APELA: variants seen among roughly 807,000 people sequenced by gnomAD.
APELA encodes the protein apelin receptor early endogenous ligand.
intron 2 of APELA, among the ~76,000 whole-genome samples, chr4:164,879,788 T>G (rs1004259454): frequency 6.6e-6 from 1 of 152,212 alleles, no homozygotes; most frequent in African/African-American, 2.4e-5. Context: ...ATTTATTTTT[T>G]CTGAAAATAT....
chr4:164,896,785 T>C lies in APELA; in HGVS notation c.*1371T>C, dbSNP rs1730982507. ...CAGATAAGAAATTTACAAGTTTATA[T>C]CTTTTTTTTTCTTTTTTTTAAGATG... On this transcript the variant is annotated 3_prime_UTR_variant, in exon 3 of 3. Coordinates refer to ENST00000507152, the MANE Select transcript of APELA (RefSeq NM_001297550.2). The C allele has an allele frequency of 6.8e-6, 1 of 146,886 alleles. No homozygotes were observed. The highest frequency in any genetic ancestry group is 1.9e-4 in the East Asian group (1 of 5,186). 9.1% of individuals were successfully genotyped at this position (146,886 alleles called of 1,614,324 possible). A position where few individuals can be genotyped will look rare whatever the true frequency, so the allele number is the denominator to read the frequency against.
At position 164,877,361 on chromosome 4, in the gene APELA, T is replaced by G. The variant is rs1354968211; in HGVS notation, c.30T>G (p.Phe10Leu). MRFQQFLFAFFIFIMSLLLI... is the reference protein window; with the variant it reads MRFQQFLFALFIFIMSLLLI... ...GATTTCAGCAATTCCTTTTTGCATT[T>G]TTTATTTTTATTATGAGTCTTCTCC... Residue 10 changes from phenylalanine (F) to leucine (L), a missense_variant, in exon 1 of 3, where the codon TTT (phenylalanine) becomes TTG (leucine). Phe to Leu is a conservative substitution (Grantham distance 22, BLOSUM62 0). Transcript: ENST00000507152. 2 of 399,066 alleles carry G rather than the reference T, an allele frequency of 5.0e-6. No homozygotes were observed. The highest frequency in any genetic ancestry group is 8.8e-6 in the Non-Finnish European group (2 of 226,052). The allele number at this position is 399,066 out of a possible 1,614,324, so 24.7% of individuals were successfully genotyped here.
intron 2 of APELA, among the ~76,000 whole-genome samples, chr4:164,885,231 A>G (rs1730746855): frequency 6.6e-6 from 1 of 152,096 alleles, no homozygotes; most frequent in Non-Finnish European, 1.5e-5. Context: ...TTTGGGCTCA[A>G]GCAATTCTCC....
rs142999515 is a variant in APELA at position 164,894,876 on chromosome 4, T to A, written c.*2-540T>A. 3.4e-3 allele frequency among the ~76,000 whole-genome samples: 512 copies of A among 152,332 alleles called. 3 individuals are homozygous for A. The highest frequency in any genetic ancestry group is 0.011 in the African/African-American group (474 of 41,580). On this transcript the variant is annotated intron_variant, in intron 2 of 2. Transcript: ENST00000507152. ...GGCAATCCGAGTTGAGAGAAATGAT[T>A]CCAGAAGAGGTATCTCTATATTTGT...
At chr4:164,880,180 G>C in intron 2 of APELA, among the ~76,000 whole-genome samples, 1 of 152,218 alleles carries the variant, frequency 6.6e-6, no homozygotes, top group South Asian at 2.1e-4. Flanking sequence ...TTGGCCTGTA[G>C]AGTAGCTTTT....
In APELA at chr4:164,896,796, C is replaced by CA. The variant is rs1730983450; in HGVS notation, c.*1382_*1383insA. 1.3e-5 allele frequency: 2 copies of CA among 149,018 alleles called. No homozygotes were observed. The allele number at this position is 149,018 out of a possible 1,614,324, so 9.2% of individuals were successfully genotyped here. On this transcript the variant is annotated 3_prime_UTR_variant, in exon 3 of 3. Coordinates refer to ENST00000507152, the MANE Select transcript of APELA (RefSeq NM_001297550.2). Reference sequence around the variant, plus strand: ...TTTACAAGTTTATATCTTTTTTTTTCTTTTTTTTAAGATGAGATCTGGCTC... The same window carrying CA: ...TTTACAAGTTTATATCTTTTTTTTTCATTTTTTTTAAGATGAGATCTGGCTC...
At chr4:164,890,334 A>T (rs1021252670) in intron 2 of APELA, among the ~76,000 whole-genome samples, 1 of 152,146 alleles carries the variant, frequency 6.6e-6, no homozygotes, top group Non-Finnish European at 1.5e-5. Context: ...AACCATCACC[A>T]TGATCAATTT....
intron 2 of APELA, among the ~76,000 whole-genome samples, chr4:164,884,873 T>C (rs1220187355): frequency 6.6e-6 from 1 of 152,192 alleles, no homozygotes; most frequent in Non-Finnish European, 1.5e-5. Flanking sequence ...TTTCTCAGTA[T>C]CATTCATCCT....
rs577722529 is a variant in APELA, at chr4:164,877,371, A to G, written c.40A>G (p.Ile14Val). ...ATTCCTTTTTGCATTTTTTATTTTT[A>G]TTATGAGTCTTCTCCTTATCAGCGG... is the stretch of plus-strand genomic sequence containing the variant. ...QQFLFAFFIFIMSLLLISGQR... is the reference protein window; with the variant it reads ...QQFLFAFFIFVMSLLLISGQR... The change falls in exon 1 of 3, where the codon ATT becomes GTT. Residue 14 changes from isoleucine (I) to valine (V), a missense_variant. Coordinates refer to ENST00000507152, the MANE Select transcript of APELA (RefSeq NM_001297550.2). 1.0e-5 allele frequency: 4 copies of G among 398,990 alleles called. No homozygotes were observed. In the South Asian group the frequency reaches 3.8e-4, roughly 38 times the overall value. 24.7% of individuals were successfully genotyped at this position (398,990 alleles called of 1,614,324 possible). A position where few individuals can be genotyped will look rare whatever the true frequency, so the allele number is the denominator to read the frequency against.
At chr4:164,883,494 T>TTTTTTTTTTTTTTTTTTG in intron 2 of APELA, among the ~76,000 whole-genome samples, 1 of 148,878 alleles carries the variant, frequency 6.7e-6, no homozygotes, top group Non-Finnish European at 1.5e-5. Flanking sequence ...CTTTTTCTTT[T>TTTTTTTTTTTTTTTTTTG]TTTTTTTTTT....
intron 2 of APELA, among the ~76,000 whole-genome samples, chr4:164,884,145 A>AAGG (rs1730721093): frequency 6.7e-6 from 1 of 149,618 alleles, no homozygotes; most frequent in African/African-American, 2.5e-5. Flanking sequence ...GAAAGAAAGA[A>AAGG]AGAAAGAAAG....
intron 2 of APELA, among the ~76,000 whole-genome samples, chr4:164,881,534 A>ATT (rs35460565): frequency 1.0e-4 from 15 of 150,708 alleles, no homozygotes; most frequent in East Asian, 2.0e-4. Flanking sequence ...CATTTCCTTG[A>ATT]TTTTTTTTTC....
At chr4:164,898,283 C>T (rs1037323760), downstream of APELA, among the ~76,000 whole-genome samples, 2 of 151,438 alleles carry the variant, frequency 1.3e-5, no homozygotes, top group Non-Finnish European at 2.9e-5. Context: ...TGGTGGATCA[C>T]CTGAGGTCAG....
At chr4:164,883,154 T>A (rs950890310) in intron 2 of APELA, among the ~76,000 whole-genome samples, 1 of 152,146 alleles carries the variant, frequency 6.6e-6, no homozygotes, top group Non-Finnish European at 1.5e-5. Flanking sequence ...TCCTTCTCAC[T>A]CCATTCTCTC....
At chr4:164,881,603 G>A (rs57082797) in intron 2 of APELA, among the ~76,000 whole-genome samples, 3,044 of 152,050 alleles carry the variant, frequency 0.02, 91 homozygotes, top group African/African-American at 0.069. Context: ...GGAGAGCAAG[G>A]GAAGGGGTGT....
chr4:164,885,676 G>A (rs1209068606), intron 2 of APELA, among the ~76,000 whole-genome samples: 1 of 151,934 alleles, frequency 6.6e-6, no homozygotes, highest in Non-Finnish European at 1.5e-5. Flanking sequence ...AGGAGGCGGA[G>A]GTTGCAGAGA....
chr4:164,887,655 A>G (rs1321784676), intron 2 of APELA, among the ~76,000 whole-genome samples: 1 of 151,622 alleles, frequency 6.6e-6, no homozygotes. Flanking sequence ...CTTGTCACCC[A>G]GGCTGGATTG....
At chr4:164,898,143 G>A (rs1399331596), downstream of APELA, among the ~76,000 whole-genome samples, 3 of 151,454 alleles carry the variant, frequency 2.0e-5, no homozygotes, top group Non-Finnish European at 2.9e-5. Flanking sequence ...TGCCAGCCTC[G>A]GCCTCCCAAA....
intron 1 of APELA, among the ~76,000 whole-genome samples, chr4:164,878,443 T>C (rs576431887): frequency 1.1e-4 from 16 of 152,308 alleles, no homozygotes; most frequent in African/African-American, 3.6e-4. Context: ...GTCTGTGCTT[T>C]TACATAAGTA....
Sources: allele counts gnomAD v4.1 joint callset (sites outside exome capture counted in the v4.1 genomes callset), GRCh38; gene constraint gnomAD v4.1.1; transcripts MANE v1.5; gene names NCBI Gene and HGNC (gene_info 2026-07-23, HGNC 2026-07-21).